MINK1: variants seen among roughly 807,000 people sequenced by gnomAD.
The protein encoded by MINK1 is misshapen like kinase 1.
Under a neutral mutation model 178.4 loss-of-function variants are expected in MINK1, and 46 were observed. That is an observed-to-expected ratio of 0.26 (90% CI 0.20 to 0.33). The LOEUF is 0.33. Ranked by LOEUF, MINK1 falls within the 10% of genes least tolerant of loss-of-function variation. The pLI, the probability that MINK1 is intolerant of heterozygous loss-of-function variation, is 1.00. For missense variants in MINK1, 1,366 were observed against 1,814.9 expected, an observed-to-expected ratio of 0.75 and a Z score of 4.49; for synonymous variants, 797 against 709.7, an observed-to-expected ratio of 1.12 and a Z score of -1.96.
chr17:4,855,531 C>A (rs1912951106), intron 1 of MINK1, among the ~76,000 whole-genome samples: 1 of 141,010 alleles, frequency 7.1e-6, no homozygotes, highest in Non-Finnish European at 1.5e-5. Context: ...GCCTGTAATC[C>A]CAGCACTTTG....
At position 4,895,164 on chromosome 17, in the gene MINK1, C is replaced by A. The variant is rs749840996; in HGVS notation, c.3007C>A (p.Arg1003=). Residue 1003 remains arginine (R), a synonymous_variant, in exon 25 of 32, where the codon CGG becomes AGG. Transcript: ENST00000355280. This position sits in a 1 kb window ranked among gnomAD's most constrained non-coding sequence, Gnocchi z 4.3. ...GGTCAACGTGAATCCCACCAACACC[C>A]GGGCCCACAGTGAGACCCCTGAGAT... The part of the protein sequence containing the change: ...SVVNVNPTNT[R]AHSETPEIRK... 2 of 1,614,060 alleles carry A rather than the reference C, an allele frequency of 1.2e-6. No homozygotes were observed. Among genetic ancestry groups the A allele is most frequent in the Non-Finnish European group, 1.7e-6 (2 of 1,180,016 alleles).
chr17:4,895,291 C>T lies in MINK1; in HGVS notation c.3085+49C>T, dbSNP rs772927697. 1.9e-6 allele frequency: 3 copies of T among 1,609,898 alleles called. No homozygotes were observed. The highest frequency in any genetic ancestry group is 2.5e-6 in the Non-Finnish European group (3 of 1,177,150). Reference sequence around the variant, plus strand: ...AGGAGGCTCTGGCGTGGCTCTTGTGCTCCTGGTTAGGTGAGGGCCTGGCTG... The same window carrying T: ...AGGAGGCTCTGGCGTGGCTCTTGTGTTCCTGGTTAGGTGAGGGCCTGGCTG... On this transcript the variant is annotated intron_variant, in intron 25 of 31. Transcript: ENST00000355280. This position sits in a 1 kb window ranked among gnomAD's most constrained non-coding sequence, Gnocchi z 4.3.
intron 1 of MINK1, among the ~76,000 whole-genome samples, chr17:4,840,241 A>C (rs952883644): frequency 1.3e-5 from 2 of 152,116 alleles, no homozygotes; most frequent in African/African-American, 4.8e-5. Context: ...GAGTTTGGTG[A>C]TGGTGAGAAT....
chr17:4,891,900 C>A (rs1405734176), intron 16 of MINK1, among the ~76,000 whole-genome samples, 184 bp downstream of exon 16: 5 of 152,184 alleles, frequency 3.3e-5, no homozygotes, highest in African/African-American at 1.2e-4. Context: ...GCATCGATCC[C>A]TGTGGGGAGC....
At chr17:4,859,316 G>A (rs1299854025) in intron 1 of MINK1, 12 of 985,020 alleles carry the variant, frequency 1.2e-5, no homozygotes, top group East Asian at 2.3e-4. Flanking sequence ...ATGACTCATC[G>A]GTCAGCAGAA....
Position 4,889,729 on chromosome 17 carries a change from G to C in MINK1, c.1313G>C (p.Arg438Pro), listed in dbSNP as rs1367235911. 1 of 1,548,906 alleles carries C rather than the reference G, an allele frequency of 6.5e-7. No individual in the cohort carries two copies. Among genetic ancestry groups the C allele is most frequent in the Non-Finnish European group, 8.7e-7 (1 of 1,149,706 alleles). ...RRLEDMQALR[R>P]EEERRQAERE... ...CTGGAGGACATGCAGGCTCTGCGGC[G>C]GGAGGAGGAGCGGCGGCAGGCGGAG... Residue 438 changes from arginine (R) to proline (P), a missense_variant, in exon 13 of 32, where the codon CGG becomes CCG. Transcript: ENST00000355280.
chr17:4,889,365 G>T (rs1167015789), intron 12 of MINK1, among the ~76,000 whole-genome samples: 2 of 152,152 alleles, frequency 1.3e-5, no homozygotes, highest in Admixed American at 1.3e-4. Flanking sequence ...TTGGTTTGTT[G>T]TTTGGTGGGG....
Position 4,898,024 on chromosome 17 carries a change from CTGTT to C in MINK1, c.*742_*745del, listed in dbSNP as rs1320811949. The C allele has an allele frequency of 6.9e-6, 1 of 144,672 alleles. No homozygotes were observed. The highest frequency in any genetic ancestry group is 7.1e-5 in the Admixed American group (1 of 13,996). 9.0% of individuals were successfully genotyped at this position (144,672 alleles called of 1,614,324 possible). On this transcript the variant is annotated 3_prime_UTR_variant, in exon 32 of 32. Coordinates refer to ENST00000355280, the MANE Select transcript of MINK1 (RefSeq NM_153827.5). ...CCTCAATGTAGTGGCCTTGGATATC[CTGTT>C]TGTTAATAAAGACAATTCAACCAGC...
rs376622643 is a variant in MINK1, at chr17:4,895,067, T to C, written c.2918-8T>C. On this transcript the variant is annotated splice_polypyrimidine_tract_variant and splice_region_variant and intron_variant, in intron 24 of 31. Coordinates refer to ENST00000355280, the MANE Select transcript of MINK1 (RefSeq NM_153827.5). The surrounding 1 kb of genome is among the most constrained non-coding windows in gnomAD (Gnocchi z 4.3). The stretch of plus-strand genomic sequence containing the variant: ...GCCCCTCCTCCCACCTCCTCCTCCT[T>C]CTGGCAGCCCTAGTGGGTGGAGAGG... 6.3e-4 allele frequency: 1,017 copies of C among 1,612,926 alleles called. 10 individuals are homozygous for C. The South Asian group carries it at 9.3e-3, about 15-fold the overall frequency.
chr17:4,844,864 T>C (rs539529022), intron 1 of MINK1, among the ~76,000 whole-genome samples: 1 of 152,214 alleles, frequency 6.6e-6, no homozygotes, highest in African/African-American at 2.4e-5. Context: ...ATTAAGTATA[T>C]GTAAGACTTA....
rs1029309524 is a variant in MINK1 at position 4,895,002 on chromosome 17, T to C, written c.2918-73T>C. Reference sequence around the variant, plus strand: ...TATTATGAGGTGCCAAGACCTGATATAGGGGATGGAGGTAAAAAGAGATGG... The same window carrying C: ...TATTATGAGGTGCCAAGACCTGATACAGGGGATGGAGGTAAAAAGAGATGG... On this transcript the variant is annotated intron_variant, in intron 24 of 31. Coordinates refer to ENST00000355280, the MANE Select transcript of MINK1 (RefSeq NM_153827.5). This position sits in a 1 kb window ranked among gnomAD's most constrained non-coding sequence, Gnocchi z 4.3. The C allele has an allele frequency of 1.1e-5, 17 of 1,511,626 alleles. No homozygotes were observed. The highest frequency in any genetic ancestry group is 9.2e-5 in the East Asian group (4 of 43,664). 93.6% of individuals were successfully genotyped at this position (1,511,626 alleles called of 1,614,324 possible).
chr17:4,837,658 A>AG (rs1361009923), intron 1 of MINK1, among the ~76,000 whole-genome samples: 3 of 152,232 alleles, frequency 2.0e-5, no homozygotes, highest in Admixed American at 6.5e-5. Flanking sequence ...TGGGACAAGG[A>AG]GGGGGCAGGC....
At chr17:4,881,763 G>A (rs1230685843) in intron 4 of MINK1, among the ~76,000 whole-genome samples, 1 of 152,210 alleles carries the variant, frequency 6.6e-6, no homozygotes, top group Admixed American at 6.5e-5. Context: ...AGAGCTTGGG[G>A]CCTCCCCCAA....
chr17:4,838,601 C>T (rs2150732078), intron 1 of MINK1, among the ~76,000 whole-genome samples: 1 of 152,326 alleles, frequency 6.6e-6, no homozygotes, highest in South Asian at 2.1e-4. Flanking sequence ...TGTGCAGCCG[C>T]TCTTGATAAG....
intron 17 of MINK1, 70 bp downstream of exon 17, chr17:4,892,304 A>T (rs939350657): frequency 6.7e-7 from 1 of 1,491,456 alleles, no homozygotes. Context: ...GGGCACAGGG[A>T]CTTTACCAGC....
At chr17:4,870,313 C>G (rs1276861837) in intron 1 of MINK1, among the ~76,000 whole-genome samples, 2 of 147,536 alleles carry the variant, frequency 1.4e-5, no homozygotes, top group Non-Finnish European at 3.0e-5. Context: ...CTCAAGTGAT[C>G]CTCCCACCTC....
rs939164542 is a variant in MINK1, at chr17:4,887,176, C to T, written c.1016C>T (p.Pro339Leu). The T allele has an allele frequency of 7.5e-6, 12 of 1,601,696 alleles. No individual in the cohort carries two copies. The highest frequency in any genetic ancestry group is 1.0e-5 in the Non-Finnish European group (12 of 1,174,458). Reference sequence around the variant, plus strand: ...GACAGCCATGGAGAGGAAGGAGAGCCAAGGTAGGCCTGGCAGGTGGAGTGG... The same window carrying T: ...GACAGCCATGGAGAGGAAGGAGAGCTAAGGTAGGCCTGGCAGGTGGAGTGG... ...EDDSHGEEGE[P>L]SSIMNVPGES... is the part of the protein sequence containing the mutation. Residue 339 changes from proline to leucine, a missense_variant, in exon 11 of 32, where the codon CCA becomes CTA. Pro to Leu is a moderately conservative substitution (Grantham distance 98, BLOSUM62 -3). Transcript: ENST00000355280. The surrounding 1 kb of genome is among the most constrained non-coding windows in gnomAD (Gnocchi z 7.6).
At chr17:4,890,865 G>A (rs1968716720) in intron 14 of MINK1, 86 bp from the exon 15 acceptor site, 2 of 1,532,700 alleles carry the variant, frequency 1.3e-6, no homozygotes, top group South Asian at 1.2e-5. Flanking sequence ...AGAGCATAGG[G>A]CGGGAGTAGT....
chr17:4,844,467 A>G (rs1910706662), intron 1 of MINK1: 1 of 457,700 alleles, frequency 2.2e-6, no homozygotes, highest in Non-Finnish European at 4.4e-6. Flanking sequence ...TATGAGAGAT[A>G]GTTACTGCCC....
Sources: gnomAD v4.1 joint callset for allele counts (sites outside exome capture counted in the v4.1 genomes callset) on GRCh38, gnomAD v4.1.1 for gene constraint, Gnocchi (gnomAD v3.1) non-coding constraint, MANE v1.5 for transcripts, NCBI Gene and HGNC (gene_info 2026-07-23, HGNC 2026-07-21) for gene names.